Variants in TMEM132C observed in about 807,000 individuals in gnomAD.
TMEM132C encodes protein phosphatase 1, regulatory subunit 152.
Under a neutral mutation model 61.4 loss-of-function variants are expected in TMEM132C, and 29 were observed. That is an observed-to-expected ratio of 0.47 (90% CI 0.35 to 0.64). The LOEUF is 0.64. Among genes scored for constraint, TMEM132C ranks in the 30% least tolerant of loss-of-function variants. TMEM132C has a pLI of 0.00. For synonymous variants in TMEM132C, 656 were observed against 633.1 expected (o/e 1.04, Z -0.54); for missense variants, 1,408 against 1,476.9 (o/e 0.95, Z 0.76).
intron 2 of TMEM132C, among the ~76,000 whole-genome samples, chr12:128,419,218 A>G (rs943752228): frequency 7.9e-5 from 12 of 152,248 alleles, no homozygotes; most frequent in Admixed American, 5.2e-4. Context: ...GGTATTTGTC[A>G]AGAAACCAAT....
intron 3 of TMEM132C, among the ~76,000 whole-genome samples, chr12:128,594,277 C>T (rs919057901): frequency 5.3e-5 from 8 of 151,988 alleles, no homozygotes; most frequent in Non-Finnish European, 7.4e-5. Flanking sequence ...GCTGACATCT[C>T]GGGAGCATCA....
In TMEM132C at chr12:128,560,737, G is replaced by A. The variant is rs377378000; in HGVS notation, c.1121+16634G>A. 3.1e-4 allele frequency among the ~76,000 whole-genome samples: 47 copies of A among 152,288 alleles called. 1 individual carries two copies. The South Asian group carries it at 9.8e-3, about 32-fold the overall frequency. Reference sequence around the variant, plus strand: ...TAACTCAGTTCCTGGCACAGGGAAGGGATGGAAATATTTGCTGCATGAATA... The same window carrying A: ...TAACTCAGTTCCTGGCACAGGGAAGAGATGGAAATATTTGCTGCATGAATA... On this transcript the variant is annotated intron_variant, in intron 3 of 8. Transcript: ENST00000435159.
chr12:128,356,889 T>A (rs1273103858), intron 1 of TMEM132C, among the ~76,000 whole-genome samples: 1 of 152,194 alleles, frequency 6.6e-6, no homozygotes, highest in African/African-American at 2.4e-5. Context: ...TATTTCTACC[T>A]TAAATAGAGA....
chr12:128,635,598 C>T (rs1954097408), intron 4 of TMEM132C, among the ~76,000 whole-genome samples: 1 of 151,850 alleles, frequency 6.6e-6, no homozygotes, highest in Non-Finnish European at 1.5e-5. Context: ...TCTGTTTTCC[C>T]TTTGAGGGGC....
At chr12:128,576,706 C>A (rs150226690) in intron 3 of TMEM132C, among the ~76,000 whole-genome samples, 2 of 152,148 alleles carry the variant, frequency 1.3e-5, no homozygotes, top group African/African-American at 4.8e-5. Flanking sequence ...GCCATTTGTC[C>A]GTGATCGCAC....
At chr12:128,617,235 A>T (rs1876835714) in intron 4 of TMEM132C, among the ~76,000 whole-genome samples, 1 of 152,110 alleles carries the variant, frequency 6.6e-6, no homozygotes. Flanking sequence ...TGTGCAAATG[A>T]TGTGGTATGG....
chr12:128,695,954 G>A lies in TMEM132C; in HGVS notation c.1780G>A (p.Gly594Ser). The A allele has an allele frequency of 1.3e-6, 2 of 1,551,764 alleles. No individual in the cohort carries two copies. Among genetic ancestry groups the A allele is most frequent in the Non-Finnish European group, 1.7e-6 (2 of 1,147,008 alleles). ...QFVSEGAGPW[G>S]QPNYLLSPNW... Reference sequence around the variant, plus strand: ...TGTGTCTGAGGGCGCCGGTCCATGGGGCCAGCCGAACTACCTGCTTAGTCC... The same window carrying A: ...TGTGTCTGAGGGCGCCGGTCCATGGAGCCAGCCGAACTACCTGCTTAGTCC... Residue 594 changes from glycine (G) to serine (S), a missense_variant, in exon 7 of 9, where the codon GGC becomes AGC. Coordinates refer to ENST00000435159, the MANE Select transcript of TMEM132C (RefSeq NM_001136103.3).
intron 2 of TMEM132C, among the ~76,000 whole-genome samples, chr12:128,485,234 T>C (rs1871444675): frequency 6.6e-6 from 1 of 152,152 alleles, no homozygotes; most frequent in African/African-American, 2.4e-5. Flanking sequence ...TGGAGTGCAG[T>C]AGTGTGATCT....
At chr12:128,535,702 A>G (rs1873498940) in intron 2 of TMEM132C, among the ~76,000 whole-genome samples, 2 of 152,160 alleles carry the variant, frequency 1.3e-5, no homozygotes. Flanking sequence ...CCCCGTCTCT[A>G]CTAAACGTAC....
chr12:128,390,358 T>C (rs755450005), intron 1 of TMEM132C, among the ~76,000 whole-genome samples: 8 of 152,190 alleles, frequency 5.3e-5, no homozygotes, highest in Non-Finnish European at 8.8e-5. Flanking sequence ...TTCCCTGCTT[T>C]TTCCAGCTTC....
intron 1 of TMEM132C, among the ~76,000 whole-genome samples, chr12:128,274,362 T>C (rs926045918): frequency 3.3e-5 from 5 of 152,226 alleles, no homozygotes; most frequent in Admixed American, 1.3e-4. Flanking sequence ...CCCTTCATCT[T>C]GCCAGCAACA....
At chr12:128,379,728 T>A (rs1874341394) in intron 1 of TMEM132C, among the ~76,000 whole-genome samples, 1 of 152,234 alleles carries the variant, frequency 6.6e-6, no homozygotes, top group African/African-American at 2.4e-5. Flanking sequence ...GATCTCTTCC[T>A]TAATTACATC....
intron 3 of TMEM132C, among the ~76,000 whole-genome samples, chr12:128,546,973 G>T (rs1177073261): frequency 6.6e-6 from 1 of 152,156 alleles, no homozygotes; most frequent in East Asian, 1.9e-4. Context: ...GCTGGGTTTG[G>T]ACACCTTGGG....
chr12:128,641,542 T>TGGAG (rs1954157873), intron 4 of TMEM132C, among the ~76,000 whole-genome samples: 1 of 152,086 alleles, frequency 6.6e-6, no homozygotes, highest in South Asian at 2.1e-4. Context: ...AGGCAGAGAT[T>TGGAG]GGAGTGAGGT....
intron 1 of TMEM132C, among the ~76,000 whole-genome samples, chr12:128,392,876 G>T (rs558604801): frequency 9.2e-4 from 140 of 152,248 alleles, no homozygotes; most frequent in African/African-American, 2.8e-3. Context: ...GCCATCCTGG[G>T]CCACCTGCGG....
At chr12:128,699,858 G>A (rs1036153382) in intron 8 of TMEM132C, among the ~76,000 whole-genome samples, 3 of 152,178 alleles carry the variant, frequency 2.0e-5, no homozygotes, top group Admixed American at 6.5e-5. Context: ...CAGCAGGAGG[G>A]ACCTGGGGTG....
intron 2 of TMEM132C, among the ~76,000 whole-genome samples, chr12:128,430,196 C>T (rs966670531): frequency 5.3e-5 from 8 of 152,182 alleles, no homozygotes; most frequent in Non-Finnish European, 1.2e-4. Context: ...ATTGATTTTT[C>T]ACCCCACTTC....
At chr12:128,664,224 G>GAAATAA (rs1469853936) in intron 4 of TMEM132C, among the ~76,000 whole-genome samples, 28,936 of 139,192 alleles carry the variant, frequency 0.21, 2,967 homozygotes, top group African/African-American at 0.36. Flanking sequence ...GCCTGTGTGT[G>GAAATAA]TTCCATGAAG....
chr12:128,652,077 G>A (rs893766394), intron 4 of TMEM132C, among the ~76,000 whole-genome samples: 2 of 152,156 alleles, frequency 1.3e-5, no homozygotes, highest in African/African-American at 4.8e-5. Flanking sequence ...AGGTCATTTC[G>A]ACAAGGATGA....
Sources: gnomAD v4.1 joint callset for allele counts (sites outside exome capture counted in the v4.1 genomes callset) on GRCh38, gnomAD v4.1.1 for gene constraint, MANE v1.5 for transcripts, NCBI Gene and HGNC (gene_info 2026-07-23, HGNC 2026-07-21) for gene names.